Variants in WWC2 observed in about 807,000 individuals in gnomAD.
WWC2 encodes WW and C2 domain containing 2.
A neutral mutation model predicts 138.5 loss-of-function variants in WWC2; 101 were observed. That is an observed-to-expected ratio of 0.73 (90% confidence interval 0.62 to 0.86). The LOEUF is 0.86. Ranked by LOEUF, WWC2 falls within the 40% of genes least tolerant of loss-of-function variation. The probability of loss-of-function intolerance (pLI) is 0.00; values close to 1 mark genes in which losing one functional copy is unlikely to be tolerated. For missense variants in WWC2, 1,420 were observed against 1,419.4 expected, an observed-to-expected ratio of 1.00 and a Z score of -0.01; for synonymous variants, 558 against 538.4, an observed-to-expected ratio of 1.04 and a Z score of -0.50.
At chr4:183,213,537 G>T (rs1175589278) in intron 4 of WWC2, among the ~76,000 whole-genome samples, 1 of 152,068 alleles carries the variant, frequency 6.6e-6, no homozygotes, top group Non-Finnish European at 1.5e-5. Flanking sequence ...TACTGAATTA[G>T]TACTAGTAGG....
In WWC2 at chr4:183,319,867, G is replaced by C. The variant is rs1739578956; in HGVS notation, c.*4138G>C. On this transcript the variant is annotated 3_prime_UTR_variant, in exon 23 of 23. Coordinates refer to ENST00000403733, the MANE Select transcript of WWC2 (RefSeq NM_024949.6). ...GACAGAATTCCTCCCAGGATCAGCA[G>C]TCGCCTCTTGAGATCTCTCTGACTC... 2 of 1,613,948 alleles carry C rather than the reference G, an allele frequency of 1.2e-6. No individual in the cohort carries two copies. The highest frequency in any genetic ancestry group is 1.7e-6 in the Non-Finnish European group (2 of 1,179,866).
intron 4 of WWC2, among the ~76,000 whole-genome samples, chr4:183,220,043 G>A (rs1351370131): frequency 6.6e-6 from 1 of 152,160 alleles, no homozygotes; most frequent in African/African-American, 2.4e-5. Flanking sequence ...GGGTTTAAAT[G>A]TACCATTGCT....
intron 5 of WWC2, among the ~76,000 whole-genome samples, chr4:183,241,873 G>A (rs985875201): frequency 5.3e-5 from 8 of 152,158 alleles, no homozygotes; most frequent in African/African-American, 7.2e-5. Context: ...TATAACTCGC[G>A]TCACCATTTG....
chr4:183,125,376 T>G (rs573586637), intron 1 of WWC2, among the ~76,000 whole-genome samples: 6 of 152,228 alleles, frequency 3.9e-5, no homozygotes, highest in Non-Finnish European at 8.8e-5. Context: ...CTTATAGTTA[T>G]TGTAATACTT....
At chr4:183,105,977 G>C (rs72691667) in intron 1 of WWC2, among the ~76,000 whole-genome samples, 4,319 of 152,118 alleles carry the variant, frequency 0.028, 90 homozygotes, top group South Asian at 0.044. Context: ...ATGTAGAAGA[G>C]GAAAGGGATT....
chr4:183,271,117 C>T lies in WWC2; in HGVS notation c.2438C>T (p.Ser813Phe), dbSNP rs748380584. 18 of 1,608,334 alleles carry T rather than the reference C, an allele frequency of 1.1e-5. No individual in the cohort carries two copies. The highest frequency in any genetic ancestry group is 1.5e-5 in the Non-Finnish European group (18 of 1,177,376). Reference sequence around the variant, plus strand: ...ATCAGCCTGGCAGATTTACCATTTTCCAGTGAGGTTTTCACTCTATGGTAT... The same window carrying T: ...ATCAGCCTGGCAGATTTACCATTTTTCAGTGAGGTTTTCACTCTATGGTAT... Reference protein sequence around the residue: ...TQISLADLPFSSEVFTLWYNL... With the variant: ...TQISLADLPFFSEVFTLWYNL... Residue 813 changes from serine (S) to phenylalanine (F), a missense_variant, in exon 16 of 23, where the codon TCC becomes TTC. Ser to Phe is a radical substitution (Grantham distance 155). Coordinates refer to ENST00000403733, the MANE Select transcript of WWC2 (RefSeq NM_024949.6).
intron 2 of WWC2, among the ~76,000 whole-genome samples, chr4:183,194,921 A>G (rs1469333220): frequency 6.6e-6 from 1 of 152,232 alleles, no homozygotes; most frequent in African/African-American, 2.4e-5. Flanking sequence ...AGCCTCTTTT[A>G]TATGATCAGA....
chr4:183,103,202 TGGG>T lies in WWC2; in HGVS notation c.131+3584_131+3586del, dbSNP rs1041752733. Among the ~76,000 whole-genome samples, 13 of 141,634 alleles carry T rather than the reference TGGG, an allele frequency of 9.2e-5. No individual in the cohort carries two copies. In the Admixed American group the frequency reaches 9.3e-4, roughly 10 times the overall value. The allele number at this position is 141,634 out of a possible 152,430, so 92.9% of individuals were successfully genotyped here. A position where few individuals can be genotyped will look rare whatever the true frequency, so the allele number is the denominator to read the frequency against. On this transcript the variant is annotated intron_variant, in intron 1 of 22. Transcript: ENST00000403733. ...CCTTCTAACTGAATAAAAATAATCT[TGGG>T]GGGTGGGGAGGGTGAAAAGGGAGGA...
chr4:183,148,379 T>C (rs1159713559), intron 1 of WWC2, among the ~76,000 whole-genome samples: 4 of 152,196 alleles, frequency 2.6e-5, no homozygotes, highest in Non-Finnish European at 5.9e-5. Context: ...TTTAACTAAG[T>C]AAATGTATTT....
At chr4:183,113,934 GC>G (rs1408161482) in intron 1 of WWC2, among the ~76,000 whole-genome samples, 1 of 152,074 alleles carries the variant, frequency 6.6e-6, no homozygotes, top group Non-Finnish European at 1.5e-5. Context: ...GGTACATGAG[GC>G]TTGAGGAAAA....
At position 183,149,454 on chromosome 4, in the gene WWC2, C is replaced by G. The variant is rs75194414; in HGVS notation, c.132-44145C>G. Among the ~76,000 whole-genome samples the G allele has an allele frequency of 2.0e-5, 3 of 152,028 alleles. No individual in the cohort carries two copies. The South Asian group carries it at 6.2e-4, about 31-fold the overall frequency. ...CCTGACCAACATGGAGAAACCCCATCTCTACTGAAAATACAAAATTAGCCA... is the reference window on the plus strand; with the variant it reads ...CCTGACCAACATGGAGAAACCCCATGTCTACTGAAAATACAAAATTAGCCA... On this transcript the variant is annotated intron_variant, in intron 1 of 22. Coordinates refer to ENST00000403733, the MANE Select transcript of WWC2 (RefSeq NM_024949.6).
At chr4:183,206,352 T>A (rs1735446771) in intron 2 of WWC2, among the ~76,000 whole-genome samples, 1 of 152,184 alleles carries the variant, frequency 6.6e-6, no homozygotes, top group African/African-American at 2.4e-5. Flanking sequence ...AAGCCATACT[T>A]CTTTTTGTCC....
intron 1 of WWC2, among the ~76,000 whole-genome samples, chr4:183,121,281 G>A (rs1732591832): frequency 6.6e-6 from 1 of 151,188 alleles, no homozygotes; most frequent in South Asian, 2.1e-4. Flanking sequence ...TGATTGTTGT[G>A]CTAATAGAGT....
Position 183,320,138 on chromosome 4 carries a change from T to A in WWC2, c.*4409T>A. 6.2e-7 allele frequency: 1 copy of A among 1,614,140 alleles called. No homozygotes were observed. On this transcript the variant is annotated 3_prime_UTR_variant, in exon 23 of 23. Coordinates refer to ENST00000403733, the MANE Select transcript of WWC2 (RefSeq NM_024949.6). ...GGTTCTTCCAGTGTGGCAGGTAGTT[T>A]GTAAGACAGGATAAAACCCATCCCA...
chr4:183,200,790 G>A (rs937651222), intron 2 of WWC2, among the ~76,000 whole-genome samples: 7 of 152,284 alleles, frequency 4.6e-5, no homozygotes, highest in Admixed American at 2.6e-4. Flanking sequence ...AAGAATCAGG[G>A]AGAGAGAGAG....
intron 1 of WWC2, among the ~76,000 whole-genome samples, chr4:183,169,345 T>A (rs1057169016): frequency 1.3e-5 from 2 of 152,252 alleles, no homozygotes; most frequent in Non-Finnish European, 2.9e-5. Context: ...ACAAGTACGC[T>A]TCATGTGTTT....
chr4:183,184,637 C>T (rs115473575), intron 1 of WWC2, among the ~76,000 whole-genome samples: 1 of 152,320 alleles, frequency 6.6e-6, no homozygotes, highest in African/African-American at 2.4e-5. Flanking sequence ...CTTGTCAATA[C>T]TCGTGTCTTT....
At chr4:183,264,292 A>G (rs1372621582) in intron 11 of WWC2, among the ~76,000 whole-genome samples, 1 of 152,210 alleles carries the variant, frequency 6.6e-6, no homozygotes, top group East Asian at 1.9e-4. Context: ...TGGAGGATGA[A>G]AGAGCACCAC....
At chr4:183,201,722 AAG>A (rs1265121682) in intron 2 of WWC2, among the ~76,000 whole-genome samples, 2 of 152,228 alleles carry the variant, frequency 1.3e-5, no homozygotes, top group African/African-American at 4.8e-5. Flanking sequence ...GGGCTGCATT[AAG>A]ATTGAGATTA....
Sources: gnomAD v4.1 joint callset for allele counts (sites outside exome capture counted in the v4.1 genomes callset) on GRCh38, gnomAD v4.1.1 for gene constraint, MANE v1.5 for transcripts, NCBI Gene and HGNC (gene_info 2026-07-23, HGNC 2026-07-21) for gene names.